ANKS1B: variants seen among roughly 807,000 people sequenced by gnomAD.
The protein encoded by ANKS1B is ankyrin repeat and sterile alpha motif domain containing 1B.
ANKS1B carries 36 observed loss-of-function variants against 148.3 expected under a neutral mutation model. The ratio of observed to expected loss-of-function variants is 0.24; its 90% CI spans 0.19 to 0.32. The LOEUF (loss-of-function observed/expected upper bound fraction) is 0.32. Among genes scored for constraint, ANKS1B ranks in the 10% least tolerant of loss-of-function variants. The pLI is 1.00. For synonymous variants in ANKS1B, 542 were observed against 560.8 expected, an observed-to-expected ratio of 0.97 and a Z score of 0.47; for missense variants, 1,157 against 1,542.6, an observed-to-expected ratio of 0.75 and a Z score of 4.19.
intron 14 of ANKS1B, among the ~76,000 whole-genome samples, chr12:99,187,722 C>T (rs2080067503): frequency 3.9e-5 from 6 of 152,156 alleles, no homozygotes; most frequent in Admixed American, 3.9e-4. Context: ...ACAACCGGTC[C>T]AGCCACTGCA....
downstream of ANKS1B, among the ~76,000 whole-genome samples, chr12:98,742,288 T>TAAG (rs1252589841): frequency 6.6e-6 from 1 of 151,466 alleles, no homozygotes; most frequent in Non-Finnish European, 1.5e-5. Context: ...GCCTGATGTG[T>TAAG]AAGTCTTCAC....
intron 6 of ANKS1B, among the ~76,000 whole-genome samples, chr12:99,778,248 G>C (rs7953608): frequency 0.65 from 99,214 of 151,658 alleles, 32,585 homozygotes; most frequent in South Asian, 0.73. Context: ...TGGCTCATGC[G>C]TGTAATCCCA....
At chr12:99,657,746 A>G (rs1444532588) in intron 8 of ANKS1B, among the ~76,000 whole-genome samples, 2 of 151,514 alleles carry the variant, frequency 1.3e-5, no homozygotes, top group Admixed American at 6.6e-5. Flanking sequence ...TTGACCATCA[A>G]CATTGATGCG....
At chr12:99,885,099 A>T (rs116349765) in intron 1 of ANKS1B, among the ~76,000 whole-genome samples, 2,426 of 152,134 alleles carry the variant, frequency 0.016, 78 homozygotes, top group African/African-American at 0.055. Flanking sequence ...TAAAGGTTTC[A>T]AGATCCTGCC....
At chr12:98,900,158 AG>A (rs2152767221) in intron 17 of ANKS1B, among the ~76,000 whole-genome samples, 1 of 152,370 alleles carries the variant, frequency 6.6e-6, no homozygotes, top group East Asian at 1.9e-4. Context: ...TAGACACACC[AG>A]TTTCCATGGA....
intron 12 of ANKS1B, among the ~76,000 whole-genome samples, chr12:99,353,973 G>A (rs1028971912): frequency 4.6e-5 from 7 of 152,136 alleles, no homozygotes; most frequent in Admixed American, 2.6e-4. Flanking sequence ...TCCAAAGAAA[G>A]GATGCATCTA....
chr12:99,851,946 T>C (rs1484113935), intron 1 of ANKS1B, among the ~76,000 whole-genome samples: 1 of 152,200 alleles, frequency 6.6e-6, no homozygotes, highest in African/African-American at 2.4e-5. Context: ...CATTTATGCA[T>C]ACAATAAATA....
chr12:99,672,987 A>G (rs1007804746), intron 8 of ANKS1B, among the ~76,000 whole-genome samples: 2 of 152,150 alleles, frequency 1.3e-5, no homozygotes, highest in African/African-American at 4.8e-5. Flanking sequence ...GATTTTACAT[A>G]AAATCAAATT....
chr12:99,464,127 G>A (rs577164165), intron 10 of ANKS1B, among the ~76,000 whole-genome samples: 14 of 152,242 alleles, frequency 9.2e-5, no homozygotes, highest in African/African-American at 2.6e-4. Context: ...CAGCATTCGC[G>A]GTTGATGAAA....
chr12:98,765,788 G>A (rs888714925), intron 25 of ANKS1B, among the ~76,000 whole-genome samples: 1 of 152,224 alleles, frequency 6.6e-6, no homozygotes, highest in Non-Finnish European at 1.5e-5. Flanking sequence ...TAGAGACAGG[G>A]TTTTACCATG....
At chr12:99,565,593 G>A (rs1310249255) in intron 9 of ANKS1B, among the ~76,000 whole-genome samples, 1 of 152,166 alleles carries the variant, frequency 6.6e-6, no homozygotes. Context: ...TCCATTCTCT[G>A]AAGGCTCCAT....
intron 11 of ANKS1B, among the ~76,000 whole-genome samples, chr12:99,411,147 C>A (rs1340935564): frequency 6.6e-6 from 1 of 152,192 alleles, no homozygotes; most frequent in African/African-American, 2.4e-5. Context: ...CAAGCCCCAA[C>A]ACATGTTCAA....
At position 99,355,458 on chromosome 12, in the gene ANKS1B, T is replaced by A. The variant is rs148773674; in HGVS notation, c.1756+44173A>T. Among the ~76,000 whole-genome samples, 637 of 152,312 alleles carry A rather than the reference T, an allele frequency of 4.2e-3. 9 individuals carry two copies. The highest frequency in any genetic ancestry group is 0.014 in the African/African-American group (602 of 41,580). On this transcript the variant is annotated intron_variant, in intron 12 of 26. Coordinates refer to ENST00000683438, the MANE Select transcript of ANKS1B (RefSeq NM_001352186.2). ...TCTGTTATTTTAATGCCTTTTTAGTTGTCTTTTGACTAAAAGGTGAGTAAT... is the reference window on the plus strand; with the variant it reads ...TCTGTTATTTTAATGCCTTTTTAGTAGTCTTTTGACTAAAAGGTGAGTAAT...
chr12:98,917,563 C>T (rs371258791), intron 17 of ANKS1B, among the ~76,000 whole-genome samples: 5 of 152,152 alleles, frequency 3.3e-5, no homozygotes, highest in African/African-American at 9.7e-5. Flanking sequence ...TAATACGAAG[C>T]GTAAGACCAC....
intron 22 of ANKS1B, among the ~76,000 whole-genome samples, chr12:98,788,171 G>A (rs546120771): frequency 2.0e-5 from 3 of 151,646 alleles, no homozygotes; most frequent in Admixed American, 1.3e-4. Flanking sequence ...TTGGAAGGCC[G>A]AGGTGGGTGG....
chr12:99,519,497 T>G (rs946471386), intron 9 of ANKS1B, among the ~76,000 whole-genome samples: 2 of 152,162 alleles, frequency 1.3e-5, no homozygotes, highest in Admixed American at 6.5e-5. Flanking sequence ...ACTTGTCTTA[T>G]AGTTTTTGTC....
At chr12:99,633,925 C>T (rs368970469) in intron 9 of ANKS1B, among the ~76,000 whole-genome samples, 62 of 152,122 alleles carry the variant, frequency 4.1e-4, no homozygotes, top group African/African-American at 1.3e-3. Context: ...TATAACACCA[C>T]TGTATCTTGA....
chr12:99,869,740 T>A (rs12296157), intron 1 of ANKS1B, among the ~76,000 whole-genome samples: 1 of 149,806 alleles, frequency 6.7e-6, no homozygotes, highest in African/African-American at 2.5e-5. Flanking sequence ...TTTCAACAAG[T>A]GGTGCTGGTT....
At chr12:99,530,043 A>G (rs1014419534) in intron 9 of ANKS1B, among the ~76,000 whole-genome samples, 6 of 152,206 alleles carry the variant, frequency 3.9e-5, no homozygotes, top group African/African-American at 1.4e-4. Flanking sequence ...TGCAGGCCAC[A>G]TGGTCTCTGT....
Sources: allele counts gnomAD v4.1 joint callset (sites outside exome capture counted in the v4.1 genomes callset), GRCh38; gene constraint gnomAD v4.1.1; transcripts MANE v1.5; gene names NCBI Gene and HGNC (gene_info 2026-07-23, HGNC 2026-07-21).